Variants in LMAN2L observed in about 807,000 individuals in gnomAD.
LMAN2L encodes VIP36-like protein.
LMAN2L carries 30 observed loss-of-function variants against 44.3 expected under a neutral mutation model. That is an observed-to-expected ratio of 0.68 (90% CI 0.51 to 0.92). LMAN2L has a LOEUF of 0.92. LMAN2L is among the 40% of genes least tolerant of loss of function. The pLI is 0.00. For missense variants in LMAN2L, 429 were observed against 446.1 expected (o/e 0.96, Z 0.35); for synonymous variants, 183 against 171.1 (o/e 1.07, Z -0.54).
At chr2:96,722,459 G>C (rs139195316) in intron 4 of LMAN2L, among the ~76,000 whole-genome samples, 1 of 151,716 alleles carries the variant, frequency 6.6e-6, no homozygotes, top group African/African-American at 2.4e-5. Context: ...TAGATCCCTC[G>C]CATGCTCAGT....
chr2:96,713,981 A>G (rs2077982859), intron 4 of LMAN2L, among the ~76,000 whole-genome samples: 2 of 152,184 alleles, frequency 1.3e-5, no homozygotes, highest in Admixed American at 1.3e-4. Context: ...CACTCCTTTA[A>G]TACGGTGAAC....
chr2:96,729,356 A>T (rs1349336667), intron 4 of LMAN2L, among the ~76,000 whole-genome samples: 2 of 152,142 alleles, frequency 1.3e-5, no homozygotes, highest in Non-Finnish European at 2.9e-5. Flanking sequence ...TTACCTTGAA[A>T]CAGACACTTA....
intron 6 of LMAN2L, among the ~76,000 whole-genome samples, chr2:96,710,428 C>T (rs922325145): frequency 2.0e-5 from 3 of 152,070 alleles, no homozygotes; most frequent in East Asian, 1.9e-4. Context: ...CCAGCACTTT[C>T]GGAGGCCAAG....
At chr2:96,707,666 A>T in intron 7 of LMAN2L, 48 bp downstream of exon 7, 1 of 1,610,594 alleles carries the variant, frequency 6.2e-7, no homozygotes, top group South Asian at 1.1e-5. Context: ...CAGCACTGCA[A>T]GCTCCTCCCC....
chr2:96,726,975 T>G (rs1047647800), intron 4 of LMAN2L, among the ~76,000 whole-genome samples: 1 of 151,812 alleles, frequency 6.6e-6, no homozygotes, highest in East Asian at 1.9e-4. Flanking sequence ...TCTCACCTAC[T>G]TGGGAGGCTG....
chr2:96,736,945 GGAAAA>G (rs1418296737), intron 2 of LMAN2L, among the ~76,000 whole-genome samples: 47 of 152,226 alleles, frequency 3.1e-4, no homozygotes, highest in African/African-American at 1.1e-3. Flanking sequence ...TCCTGAACAG[GGAAAA>G]GAAATCGTTC....
intron 4 of LMAN2L, among the ~76,000 whole-genome samples, chr2:96,728,023 A>G (rs946670655): frequency 2.0e-5 from 3 of 152,342 alleles, no homozygotes; most frequent in African/African-American, 7.2e-5. Flanking sequence ...ATAAGTAAAT[A>G]ATGTATGTGA....
chr2:96,736,155 C>T (rs1353691324), intron 2 of LMAN2L, among the ~76,000 whole-genome samples: 1 of 152,154 alleles, frequency 6.6e-6, no homozygotes, highest in African/African-American at 2.4e-5. Context: ...TTCCTGGCCT[C>T]CTACAGCACA....
chr2:96,714,768 T>C (rs2078004650), intron 4 of LMAN2L, among the ~76,000 whole-genome samples: 3 of 152,158 alleles, frequency 2.0e-5, no homozygotes, highest in South Asian at 2.1e-4. Flanking sequence ...CAGCAATCCT[T>C]AGCCTAAGGG....
chr2:96,738,190 T>G, intron 1 of LMAN2L, 123 bp from the exon 2 acceptor site: 1 of 654,264 alleles, frequency 1.5e-6, no homozygotes, highest in Non-Finnish European at 2.7e-6. Context: ...CTCAATCTCC[T>G]ATCTTCTCTC....
At chr2:96,734,887 A>G (rs1325944009) in intron 2 of LMAN2L, among the ~76,000 whole-genome samples, 1 of 152,240 alleles carries the variant, frequency 6.6e-6, no homozygotes, top group Non-Finnish European at 1.5e-5. Flanking sequence ...GGCTGAATTC[A>G]TACTCATTTA....
At chr2:96,713,706 A>T (rs2077977251) in intron 4 of LMAN2L, among the ~76,000 whole-genome samples, 1 of 152,210 alleles carries the variant, frequency 6.6e-6, no homozygotes, top group Admixed American at 6.5e-5. Flanking sequence ...ATCCAAAGGG[A>T]TCACTTACCC....
At chr2:96,709,091 T>C (rs533036665) in intron 6 of LMAN2L, among the ~76,000 whole-genome samples, 16 of 148,192 alleles carry the variant, frequency 1.1e-4, no homozygotes, top group Admixed American at 8.1e-4. Context: ...ATTTTTTGTA[T>C]TTTTTTTTTA....
intron 4 of LMAN2L, among the ~76,000 whole-genome samples, chr2:96,726,676 C>T (rs1228457174): frequency 2.0e-5 from 3 of 151,966 alleles, no homozygotes; most frequent in Non-Finnish European, 4.4e-5. Context: ...CCCAGCTGCT[C>T]AGGAGGCTGG....
intron 4 of LMAN2L, among the ~76,000 whole-genome samples, chr2:96,720,395 A>G (rs1357960216): frequency 1.3e-5 from 2 of 152,038 alleles, no homozygotes; most frequent in Non-Finnish European, 2.9e-5. Flanking sequence ...CTTTTCACCA[A>G]CATCTGGGTA....
chr2:96,726,063 C>T (rs930054242), intron 4 of LMAN2L, among the ~76,000 whole-genome samples: 5 of 150,694 alleles, frequency 3.3e-5, no homozygotes, highest in East Asian at 2.0e-4. Flanking sequence ...ACCCAGGAGG[C>T]GGAGGTGGCA....
chr2:96,713,422 C>T (rs186928251), intron 4 of LMAN2L, among the ~76,000 whole-genome samples: 1 of 152,310 alleles, frequency 6.6e-6, no homozygotes, highest in African/African-American at 2.4e-5. Flanking sequence ...AGGAAGACCG[C>T]TCTAACCCAT....
intron 4 of LMAN2L, among the ~76,000 whole-genome samples, chr2:96,716,018 A>G (rs2078033170): frequency 6.6e-6 from 1 of 152,244 alleles, no homozygotes; most frequent in Non-Finnish European, 1.5e-5. Context: ...ACATTCAATC[A>G]GTGACTAGTG....
At chr2:96,737,638 T>A (rs1401902552) in intron 2 of LMAN2L, among the ~76,000 whole-genome samples, 1 of 152,152 alleles carries the variant, frequency 6.6e-6, no homozygotes, top group Non-Finnish European at 1.5e-5. Context: ...TCTTATAATC[T>A]TCTTACAAAG....
Sources: gnomAD v4.1 joint callset for allele counts (sites outside exome capture counted in the v4.1 genomes callset) on GRCh38, gnomAD v4.1.1 for gene constraint, MANE v1.5 for transcripts, NCBI Gene and HGNC (gene_info 2026-07-23, HGNC 2026-07-21) for gene names.